TMEM38B: variants seen among roughly 807,000 people sequenced by gnomAD.
TMEM38B encodes trimeric intracellular cation channel type B.
Under a neutral mutation model 28.7 loss-of-function variants are expected in TMEM38B, and 24 were observed. The ratio of observed to expected loss-of-function variants is 0.84; its 90% CI spans 0.61 to 1.18. TMEM38B has a LOEUF of 1.18. Ranked by LOEUF, TMEM38B falls within the 50% of genes most tolerant of loss-of-function variation. TMEM38B has a pLI of 0.00. For missense variants in TMEM38B, 380 were observed against 350.9 expected (o/e 1.08, Z -0.66); for synonymous variants, 131 against 127.7 (o/e 1.03, Z -0.17).
chr9:105,760,052 C>T, intron 5 of TMEM38B: 1 of 1,213,182 alleles, frequency 8.2e-7, no homozygotes, highest in Non-Finnish European at 1.2e-6. Context: ...TTACTTCCAG[C>T]TTCTTCTGTG....
In TMEM38B at chr9:105,769,509, T is replaced by C. The variant is rs368212920; in HGVS notation, c.661-4356T>C. 8.5e-5 allele frequency among the ~76,000 whole-genome samples: 13 copies of C among 152,164 alleles called. No homozygotes were observed. In the East Asian group the frequency reaches 2.3e-3, roughly 27 times the overall value. Reference sequence around the variant, plus strand: ...TTTTGTATTTTTTGTACAATTTTGGTTTCACTATGTTGCCCAGGCTGGTCT... The same window carrying C: ...TTTTGTATTTTTTGTACAATTTTGGCTTCACTATGTTGCCCAGGCTGGTCT... On this transcript the variant is annotated intron_variant, in intron 5 of 5. Coordinates refer to ENST00000374692, the MANE Select transcript of TMEM38B (RefSeq NM_018112.3).
intron 2 of TMEM38B, among the ~76,000 whole-genome samples, chr9:105,718,382 GC>G (rs1836190257): frequency 1.3e-5 from 2 of 151,958 alleles, no homozygotes; most frequent in South Asian, 4.2e-4. Flanking sequence ...GGGATTATAG[GC>G]GCCCGCCACC....
intron 4 of TMEM38B, among the ~76,000 whole-genome samples, chr9:105,734,878 T>G (rs1271939705): frequency 2.0e-5 from 3 of 152,000 alleles, no homozygotes; most frequent in African/African-American, 7.2e-5. Flanking sequence ...TTTTTTTTTT[T>G]TTGTCAGTTC....
rs1206947501 is a variant in TMEM38B, at chr9:105,775,457, G to A, written c.*1377G>A. ...ATCAGGTATTTTCGATGGTTTAGAA[G>A]TACTCAAGTCACATCACATTCAAGT... On this transcript the variant is annotated 3_prime_UTR_variant, in exon 6 of 6. Transcript: ENST00000374692. The A allele has an allele frequency of 6.6e-6, 1 of 151,946 alleles. No homozygotes were observed. The highest frequency in any genetic ancestry group is 2.4e-5 in the African/African-American group (1 of 41,384). The allele number at this position is 151,946 out of a possible 1,614,324, so 9.4% of individuals were successfully genotyped here.
intron 4 of TMEM38B, among the ~76,000 whole-genome samples, chr9:105,744,530 G>T (rs1490852436): frequency 6.6e-6 from 1 of 151,402 alleles, no homozygotes; most frequent in East Asian, 1.9e-4. Context: ...CCTAAGAAAA[G>T]ATATTTATTG....
rs909873378 is a variant in TMEM38B at position 105,711,444 on chromosome 9, AAAAAAG to A, written c.269+5696_269+5701del. Among the ~76,000 whole-genome samples the A allele has an allele frequency of 4.1e-4, 63 of 152,144 alleles. 1 individual carries two copies. The highest frequency in any genetic ancestry group is 1.3e-3 in the African/African-American group (55 of 41,420). Reference sequence around the variant, plus strand: ...TAACAGACCTAGACTCTGTCTCAAAAAAAAAGAAAAGAAAAGAAAAAGGAAAATACA... The same window carrying A: ...TAACAGACCTAGACTCTGTCTCAAAAAAAAGAAAAGAAAAAGGAAAATACA... On this transcript the variant is annotated intron_variant, in intron 2 of 5. Coordinates refer to ENST00000374692, the MANE Select transcript of TMEM38B (RefSeq NM_018112.3).
intron 4 of TMEM38B, among the ~76,000 whole-genome samples, chr9:105,732,307 G>T (rs1836779538): frequency 6.6e-6 from 1 of 152,150 alleles, no homozygotes; most frequent in South Asian, 2.1e-4. Context: ...AAGCTCTTGA[G>T]TTTAATTAGA....
intron 4 of TMEM38B, among the ~76,000 whole-genome samples, chr9:105,747,720 A>G (rs939595270): frequency 6.6e-6 from 1 of 152,010 alleles, no homozygotes; most frequent in African/African-American, 2.4e-5. Flanking sequence ...ACCTAGTGCT[A>G]TAAATTTCGC....
chr9:105,696,443 T>G (rs1269174831), intron 1 of TMEM38B, among the ~76,000 whole-genome samples: 1 of 152,156 alleles, frequency 6.6e-6, no homozygotes, highest in Non-Finnish European at 1.5e-5. Context: ...GCCACCAAGT[T>G]CGGCTAATTT....
chr9:105,739,521 T>C (rs758251223), intron 4 of TMEM38B, among the ~76,000 whole-genome samples: 5 of 152,158 alleles, frequency 3.3e-5, no homozygotes, highest in Non-Finnish European at 5.9e-5. Flanking sequence ...TATAACAATA[T>C]TAAGTGTTCC....
chr9:105,712,522 T>G (rs1309161709), intron 2 of TMEM38B, among the ~76,000 whole-genome samples: 2 of 152,252 alleles, frequency 1.3e-5, no homozygotes, highest in Non-Finnish European at 2.9e-5. Context: ...CTTCTGTTCT[T>G]TGTGTTTCCT....
At chr9:105,726,801 T>C (rs899228856) in intron 4 of TMEM38B, among the ~76,000 whole-genome samples, 3 of 152,078 alleles carry the variant, frequency 2.0e-5, no homozygotes, top group East Asian at 3.8e-4. Flanking sequence ...TAAAATAACA[T>C]AATTATTGAT....
At chr9:105,728,906 G>A (rs1414049200) in intron 4 of TMEM38B, among the ~76,000 whole-genome samples, 1 of 150,474 alleles carries the variant, frequency 6.6e-6, no homozygotes, top group Admixed American at 6.6e-5. Context: ...CATATCCTTT[G>A]CCCACTTTTT....
intron 4 of TMEM38B, among the ~76,000 whole-genome samples, chr9:105,739,716 C>T (rs1057475629): frequency 1.3e-4 from 19 of 151,494 alleles, no homozygotes; most frequent in African/African-American, 4.6e-4. Flanking sequence ...GTAGAGAAAG[C>T]GTTTCACCAT....
At chr9:105,726,022 G>A (rs372034368) in intron 4 of TMEM38B, among the ~76,000 whole-genome samples, 1 of 151,686 alleles carries the variant, frequency 6.6e-6, no homozygotes, top group South Asian at 2.1e-4. Context: ...GTACATAATA[G>A]TACATATTTA....
intron 4 of TMEM38B, among the ~76,000 whole-genome samples, chr9:105,733,416 TTTTTC>T (rs1836843272): frequency 7.1e-6 from 1 of 140,812 alleles, no homozygotes; most frequent in African/African-American, 3.0e-5. Flanking sequence ...GCAGTTTTCT[TTTTTC>T]TTTTTTTTTT....
At chr9:105,770,291 T>TA (rs1458354378) in intron 5 of TMEM38B, among the ~76,000 whole-genome samples, 1 of 152,104 alleles carries the variant, frequency 6.6e-6, no homozygotes, top group Non-Finnish European at 1.5e-5. Flanking sequence ...TGAGGAGAGG[T>TA]ACTAAGTTTG....
At position 105,704,734 on chromosome 9, in the gene TMEM38B, G is replaced by A. The variant is rs184054113; in HGVS notation, c.113-863G>A. 6.1e-3 allele frequency among the ~76,000 whole-genome samples: 922 copies of A among 152,086 alleles called. 16 individuals carry two copies. The highest frequency in any genetic ancestry group is 0.021 in the African/African-American group (865 of 41,478). On this transcript the variant is annotated intron_variant, in intron 1 of 5. Transcript: ENST00000374692. Reference sequence around the variant, plus strand: ...AGATCAGGAGTTTGAGACCAGCCTGGCCAACATAGTGAAACCCCGTCTCTA... The same window carrying A: ...AGATCAGGAGTTTGAGACCAGCCTGACCAACATAGTGAAACCCCGTCTCTA...
chr9:105,747,171 C>T (rs915077576), intron 4 of TMEM38B, among the ~76,000 whole-genome samples: 2 of 152,116 alleles, frequency 1.3e-5, no homozygotes, highest in Non-Finnish European at 2.9e-5. Context: ...CTCCTTGTAC[C>T]TCTGGTAGAA....
Sources: allele counts gnomAD v4.1 joint callset (sites outside exome capture counted in the v4.1 genomes callset), GRCh38; gene constraint gnomAD v4.1.1; transcripts MANE v1.5; gene names NCBI Gene and HGNC (gene_info 2026-07-23, HGNC 2026-07-21).